INSYN2A: variants seen among roughly 807,000 people sequenced by gnomAD.
The protein encoded by INSYN2A is inhibitory synaptic factor 2A.
A neutral mutation model predicts 39.4 loss-of-function variants in INSYN2A; 17 were observed. The ratio of observed to expected loss-of-function variants is 0.43; its 90% CI spans 0.30 to 0.65. The LOEUF (loss-of-function observed/expected upper bound fraction) is 0.65. Ranked by LOEUF, INSYN2A falls within the 30% of genes least tolerant of loss-of-function variation. The pLI is 0.14. For missense variants in INSYN2A, 595 were observed against 631.2 expected (o/e 0.94, Z 0.61); for synonymous variants, 255 against 265.7 (o/e 0.96, Z 0.39).
rs960174238 is a variant in INSYN2A, at chr10:127,137,505, C to T, written c.*332G>A. The T allele has an allele frequency of 3.7e-4, 85 of 230,898 alleles. No homozygotes were observed. The highest frequency in any genetic ancestry group is 1.8e-3 in the African/African-American group (80 of 44,294). 14.3% of individuals were successfully genotyped at this position (230,898 alleles called of 1,614,324 possible). On this transcript the variant is annotated 3_prime_UTR_variant, in exon 6 of 6. Transcript: ENST00000522781. The stretch of plus-strand genomic sequence containing the variant: ...TGAGTTATAGCTGTGTACAGGGTGA[C>T]AGCCTGCCATCTCGCAGGTTGATAA...
At chr10:127,166,467 A>G (rs2054101843) in intron 4 of INSYN2A, among the ~76,000 whole-genome samples, 1 of 152,236 alleles carries the variant, frequency 6.6e-6, no homozygotes, top group Non-Finnish European at 1.5e-5. Flanking sequence ...GAATTCTGGC[A>G]TTAACATGTC....
intron 2 of INSYN2A, among the ~76,000 whole-genome samples, chr10:127,190,024 C>T (rs2056601907): frequency 1.3e-5 from 2 of 152,154 alleles, no homozygotes; most frequent in African/African-American, 4.8e-5. Flanking sequence ...GGTGAAAACT[C>T]TTTTTAACCC....
intron 2 of INSYN2A, among the ~76,000 whole-genome samples, chr10:127,188,782 C>T (rs755672945): frequency 2.0e-5 from 3 of 152,174 alleles, no homozygotes; most frequent in Admixed American, 1.3e-4. Flanking sequence ...AGCTAGGTAC[C>T]GTTCTGTGCT....
At chr10:127,156,014 A>ATCC (rs1369329235) in intron 4 of INSYN2A, among the ~76,000 whole-genome samples, 12 of 152,304 alleles carry the variant, frequency 7.9e-5, no homozygotes. Context: ...TGCTAGTCAT[A>ATCC]TCCAAATTTT....
At chr10:127,146,068 G>A (rs372715763) in intron 5 of INSYN2A, 13 of 516,492 alleles carry the variant, frequency 2.5e-5, no homozygotes, top group African/African-American at 2.1e-4. Context: ...CCAGGACTGC[G>A]TCCCGTATTT....
At chr10:127,156,590 C>T (rs1282523817) in intron 4 of INSYN2A, among the ~76,000 whole-genome samples, 1 of 82,758 alleles carries the variant, frequency 1.2e-5, no homozygotes, top group Non-Finnish European at 2.2e-5. Flanking sequence ...TTTTTGAGAC[C>T]AAGTTTCGCT....
chr10:127,179,587 A>G (rs2055525476), intron 2 of INSYN2A, among the ~76,000 whole-genome samples: 2 of 152,172 alleles, frequency 1.3e-5, no homozygotes, highest in African/African-American at 4.8e-5. Flanking sequence ...CTGGACATTA[A>G]GAATTACTAA....
chr10:127,150,978 T>A (rs1175461293), intron 5 of INSYN2A, among the ~76,000 whole-genome samples: 4 of 152,208 alleles, frequency 2.6e-5, no homozygotes, highest in African/African-American at 4.8e-5. Flanking sequence ...AATGGGAGAT[T>A]TCAATTCATG....
At chr10:127,183,992 T>A (rs779502504) in intron 2 of INSYN2A, among the ~76,000 whole-genome samples, 16 of 152,152 alleles carry the variant, frequency 1.1e-4, no homozygotes, top group Non-Finnish European at 1.6e-4. Context: ...ATCTAATGTC[T>A]TCGAAGGTTT....
chr10:127,148,322 G>T (rs2052124453), intron 5 of INSYN2A, among the ~76,000 whole-genome samples: 1 of 152,198 alleles, frequency 6.6e-6, no homozygotes, highest in Admixed American at 6.5e-5. Context: ...GTCACTCAGG[G>T]CTTGCAACTG....
intron 4 of INSYN2A, among the ~76,000 whole-genome samples, chr10:127,157,956 T>G (rs1238951617): frequency 6.6e-6 from 1 of 152,242 alleles, no homozygotes; most frequent in Admixed American, 6.5e-5. Context: ...AAAATTTTAT[T>G]AAGCACGAGA....
intron 5 of INSYN2A, among the ~76,000 whole-genome samples, chr10:127,145,301 A>G (rs2051700257): frequency 6.6e-6 from 1 of 152,154 alleles, no homozygotes; most frequent in African/African-American, 2.4e-5. Flanking sequence ...GTTCTCCATG[A>G]GGAAAGACAC....
At chr10:127,163,653 T>C (rs1471693313) in intron 4 of INSYN2A, among the ~76,000 whole-genome samples, 5 of 152,132 alleles carry the variant, frequency 3.3e-5, no homozygotes, top group Admixed American at 3.3e-4. Context: ...TCTGTCTAAA[T>C]AGTATTCATA....
chr10:127,195,972 G>C (rs1465389882), intron 1 of INSYN2A, 25 bp downstream of exon 1: 1 of 152,290 alleles, frequency 6.6e-6, no homozygotes, highest in Non-Finnish European at 1.5e-5. Context: ...GGGCGCGGGA[G>C]GAGGGCACGC....
In INSYN2A at chr10:127,196,124, C is replaced by G. The variant is rs2489380; in HGVS notation, c.-522G>C. On this transcript the variant is annotated 5_prime_UTR_variant, in exon 1 of 6. Coordinates refer to ENST00000522781, the MANE Select transcript of INSYN2A (RefSeq NM_001039762.3). ...AGGGCATCCGCGGCCAGACTCGCCG[C>G]GCTCACGCGGAGGAAGCCTCGGCTC... 0.81 allele frequency: 123,094 copies of G among 151,822 alleles called. 50,489 individuals are homozygous for G. The highest frequency in any genetic ancestry group is 0.92 in the South Asian group (4,463 of 4,828). 9.4% of individuals were successfully genotyped at this position (151,822 alleles called of 1,614,324 possible).
At chr10:127,160,845 G>A (rs894641996) in intron 4 of INSYN2A, among the ~76,000 whole-genome samples, 8 of 152,064 alleles carry the variant, frequency 5.3e-5, no homozygotes, top group African/African-American at 1.4e-4. Context: ...TGCAACAACC[G>A]TTTTTTTCTT....
rs1422414079 is a variant in INSYN2A, at chr10:127,136,655, C to T, written c.*1182G>A. 2 of 152,596 alleles carry T rather than the reference C, an allele frequency of 1.3e-5. No homozygotes were observed. The highest frequency in any genetic ancestry group is 2.9e-5 in the Non-Finnish European group (2 of 68,026). The allele number at this position is 152,596 out of a possible 1,614,324, so 9.5% of individuals were successfully genotyped here. A position where few individuals can be genotyped will look rare whatever the true frequency, so the allele number is the denominator to read the frequency against. On this transcript the variant is annotated 3_prime_UTR_variant, in exon 6 of 6. Transcript: ENST00000522781. ...TAAGATTTACATTGCAATGTGTAAT[C>T]AAGAGAGAACTCTAAGTGTTACTGT... is the stretch of plus-strand genomic sequence containing the variant.
chr10:127,165,663 C>G (rs1364872452), intron 4 of INSYN2A, among the ~76,000 whole-genome samples: 1 of 152,048 alleles, frequency 6.6e-6, no homozygotes, highest in Non-Finnish European at 1.5e-5. Context: ...AAGGAAGAGC[C>G]AGACAGGCAT....
In INSYN2A at chr10:127,146,650, A is replaced by G. The variant is rs11016467; in HGVS notation, c.1256+7202T>C. Among the ~76,000 whole-genome samples, 1,004 of 152,292 alleles carry G rather than the reference A, an allele frequency of 6.6e-3. 4 individuals carry two copies. Among genetic ancestry groups the G allele is most frequent in the Admixed American group, 0.012 (177 of 15,302 alleles). ...TCACCATAAATACTAAGAACAGAGC[A>G]CTAAACATTAGGCAAAAGGCGAATT... On this transcript the variant is annotated intron_variant, in intron 5 of 5. Transcript: ENST00000522781.
Sources: allele counts gnomAD v4.1 joint callset (sites outside exome capture counted in the v4.1 genomes callset), GRCh38; gene constraint gnomAD v4.1.1; transcripts MANE v1.5; gene names NCBI Gene and HGNC (gene_info 2026-07-23, HGNC 2026-07-21).